ADGRL2: variants seen among roughly 807,000 people sequenced by gnomAD.
ADGRL2 encodes calcium-independent alpha-latrotoxin receptor 2.
Under a neutral mutation model 157.4 loss-of-function variants are expected in ADGRL2, and 44 were observed. That is an observed-to-expected ratio of 0.28 (90% CI 0.22 to 0.36). The LOEUF (loss-of-function observed/expected upper bound fraction) is 0.36. ADGRL2 is among the 10% of genes least tolerant of loss of function. The pLI is 1.00. For missense variants in ADGRL2, 1,510 were observed against 1,768.9 expected, an observed-to-expected ratio of 0.85 and a Z score of 2.63; for synonymous variants, 585 against 624.7, an observed-to-expected ratio of 0.94 and a Z score of 0.95.
intron 1 of ADGRL2, among the ~76,000 whole-genome samples, chr1:81,341,366 C>T (rs1259073345): frequency 6.6e-6 from 1 of 151,916 alleles, no homozygotes; most frequent in African/African-American, 2.4e-5. Flanking sequence ...AAAGACATGT[C>T]ATCTCTGTGG....
chr1:81,539,777 C>T (rs2079837754), intron 2 of ADGRL2, among the ~76,000 whole-genome samples: 1 of 151,184 alleles, frequency 6.6e-6, no homozygotes, highest in South Asian at 2.1e-4. Flanking sequence ...TAGCTCTAGC[C>T]ATCACATCTG....
intron 2 of ADGRL2, among the ~76,000 whole-genome samples, chr1:81,486,934 G>A (rs762207938): frequency 1.3e-5 from 2 of 151,984 alleles, no homozygotes; most frequent in Non-Finnish European, 2.9e-5. Context: ...GTAATGAGCA[G>A]GCTACTTGTA....
chr1:81,351,171 G>A (rs1662858826), intron 1 of ADGRL2, among the ~76,000 whole-genome samples: 1 of 151,670 alleles, frequency 6.6e-6, no homozygotes, highest in Non-Finnish European at 1.5e-5. Context: ...TAAAGTTGCA[G>A]GAGCCTGGAA....
intron 1 of ADGRL2, among the ~76,000 whole-genome samples, chr1:81,308,662 C>A (rs773108600): frequency 6.6e-6 from 1 of 152,180 alleles, no homozygotes; most frequent in Non-Finnish European, 1.5e-5. Context: ...CATGGAATGT[C>A]ACACCATCAT....
chr1:81,834,816 A>G (rs556484157), intron 1 of ADGRL2, among the ~76,000 whole-genome samples: 2 of 152,124 alleles, frequency 1.3e-5, no homozygotes, highest in Non-Finnish European at 2.9e-5. Context: ...AACCACTTAC[A>G]TGGTCTCATA....
intron 2 of ADGRL2, among the ~76,000 whole-genome samples, chr1:81,878,318 G>A (rs1178952508): frequency 1.3e-5 from 2 of 149,804 alleles, no homozygotes; most frequent in Non-Finnish European, 3.0e-5. Context: ...GAGAAGAATT[G>A]ATAGAAAGTT....
chr1:81,784,727 C>CAAAAA (rs375897514), intron 2 of ADGRL2, among the ~76,000 whole-genome samples: 10 of 110,244 alleles, frequency 9.1e-5, no homozygotes, highest in African/African-American at 1.4e-4. Flanking sequence ...GACCCCGTCT[C>CAAAAA]AAAAAAAAAA....
chr1:81,944,524 C>T (rs1022069235), intron 6 of ADGRL2, among the ~76,000 whole-genome samples: 18 of 151,966 alleles, frequency 1.2e-4, no homozygotes, highest in Non-Finnish European at 2.2e-4. Context: ...TGATGATAAA[C>T]GAATACTTCA....
At chr1:81,953,046 C>T (rs1234529148) in intron 10 of ADGRL2, 21 bp downstream of exon 10, 1 of 1,605,888 alleles carries the variant, frequency 6.2e-7, no homozygotes, top group African/African-American at 1.3e-5. Flanking sequence ...TGTGCTGTCA[C>T]CCTGCTTTCT....
intron 3 of ADGRL2, among the ~76,000 whole-genome samples, chr1:81,586,773 C>T (rs1435869865): frequency 1.3e-5 from 2 of 151,994 alleles, no homozygotes; most frequent in Non-Finnish European, 2.9e-5. Context: ...ACTTGTCAAG[C>T]AATTTTCTCT....
rs774724301 is a variant in ADGRL2 at position 81,943,130 on chromosome 1, G to T, written c.571G>T (p.Ala191Ser). Residue 191 changes from alanine to serine, a missense_variant, in exon 6 of 24, where the codon GCT becomes TCT. Physicochemically the swap from Ala to Ser is moderately conservative, Grantham distance 99 (BLOSUM62 1). Coordinates refer to ENST00000686636, the MANE Select transcript of ADGRL2 (RefSeq NM_001366006.2). The surrounding 1 kb of genome is among the most constrained non-coding windows in gnomAD (Gnocchi z 5.6). ...PYRTDTLIEY[A>S]SLEDFQNSRQ... ...TCGTACCGATACTTTAATAGAATAT[G>T]CTTCTTTAGAAGATTTCCAAAATAG... 1.9e-6 allele frequency: 3 copies of T among 1,613,360 alleles called. No individual in the cohort carries two copies. Among genetic ancestry groups the T allele is most frequent in the Non-Finnish European group, 2.5e-6 (3 of 1,179,612 alleles).
chr1:81,838,114 T>C (rs1039516617), intron 2 of ADGRL2, among the ~76,000 whole-genome samples: 1 of 152,038 alleles, frequency 6.6e-6, no homozygotes, highest in African/African-American at 2.4e-5. Flanking sequence ...TGTCAACTAA[T>C]AGAAGTGTAT....
At chr1:81,542,024 C>T (rs928343375) in intron 2 of ADGRL2, among the ~76,000 whole-genome samples, 3 of 152,100 alleles carry the variant, frequency 2.0e-5, no homozygotes, top group Admixed American at 6.5e-5. Context: ...AGTAACTTGC[C>T]TCAGACTTAA....
intron 1 of ADGRL2, among the ~76,000 whole-genome samples, chr1:81,743,393 GTTTT>G (rs5775639): frequency 1.5e-4 from 20 of 136,846 alleles, no homozygotes; most frequent in African/African-American, 4.0e-4. Context: ...ATAACAGAAG[GTTTT>G]TTTTTTTTTT....
intron 2 of ADGRL2, among the ~76,000 whole-genome samples, chr1:81,523,625 C>T (rs540376226): frequency 5.9e-5 from 9 of 152,204 alleles, no homozygotes; most frequent in African/African-American, 1.2e-4. Flanking sequence ...AAATACAAAT[C>T]GAAATCACCC....
chr1:81,445,281 T>G (rs1366193693), intron 2 of ADGRL2, among the ~76,000 whole-genome samples: 1 of 152,224 alleles, frequency 6.6e-6, no homozygotes, highest in Non-Finnish European at 1.5e-5. Context: ...ATGTATGGGT[T>G]ACCTCTCTCC....
At position 81,985,360 on chromosome 1, in the gene ADGRL2, G is replaced by GT. The variant is rs1241660835; in HGVS notation, c.3508+7dup. The GT allele has an allele frequency of 9.6e-6, 15 of 1,554,460 alleles. No homozygotes were observed. Among genetic ancestry groups the GT allele is most frequent in the Non-Finnish European group, 1.2e-5 (14 of 1,135,102 alleles). ...GCACTTCAACACTTAATCAAGGTCA[G>GT]TTATCAGGAAAATTTGAGTTACTAC... is the stretch of plus-strand genomic sequence containing the variant. On this transcript the variant is annotated splice_donor_region_variant and intron_variant, in intron 21 of 23. Transcript: ENST00000686636.
At chr1:81,411,892 A>C (rs1468516310) in intron 1 of ADGRL2, among the ~76,000 whole-genome samples, 1 of 151,968 alleles carries the variant, frequency 6.6e-6, no homozygotes, top group African/African-American at 2.4e-5. Context: ...AAAAAAAAAA[A>C]AAAAAGTTTT....
intron 3 of ADGRL2, among the ~76,000 whole-genome samples, chr1:81,650,560 G>C (rs1462321886): frequency 2.8e-5 from 4 of 141,816 alleles, no homozygotes; most frequent in Non-Finnish European, 6.0e-5. Flanking sequence ...TGGCAACAGA[G>C]TGAGACTCCA....
Sources: gnomAD v4.1 joint callset for allele counts (sites outside exome capture counted in the v4.1 genomes callset) on GRCh38, gnomAD v4.1.1 for gene constraint, Gnocchi (gnomAD v3.1) non-coding constraint, MANE v1.5 for transcripts, NCBI Gene and HGNC (gene_info 2026-07-23, HGNC 2026-07-21) for gene names.